The following FBXL20 variants were observed in gnomAD, a reference collection of about 807,000 sequenced individuals.
FBXL20 encodes the protein F-box and leucine rich repeat protein 20.
In FBXL20, 11 loss-of-function variants were observed where a neutral mutation model predicts 64.0. That is an observed-to-expected ratio of 0.17 (90% CI 0.11 to 0.28). The LOEUF (loss-of-function observed/expected upper bound fraction) is 0.28. Among genes scored for constraint, FBXL20 ranks in the 10% least tolerant of loss-of-function variants. The pLI is 1.00. For missense variants in FBXL20, 303 were observed against 526.2 expected (o/e 0.58, Z 4.15); for synonymous variants, 184 against 189.0 (o/e 0.97, Z 0.22).
At chr17:39,330,040 C>T (rs927373417) in intron 2 of FBXL20, among the ~76,000 whole-genome samples, 1 of 152,068 alleles carries the variant, frequency 6.6e-6, no homozygotes, top group Non-Finnish European at 1.5e-5. Context: ...TACCTGTAAT[C>T]CCAGCACTTT....
intron 1 of FBXL20, among the ~76,000 whole-genome samples, chr17:39,396,276 G>C (rs2048182088): frequency 6.6e-6 from 1 of 151,992 alleles, no homozygotes; most frequent in African/African-American, 2.4e-5. Context: ...TTACAGAAGA[G>C]GGAAATCACC....
At chr17:39,283,578 A>G (rs2046965773) in intron 7 of FBXL20, among the ~76,000 whole-genome samples, 2 of 152,082 alleles carry the variant, frequency 1.3e-5, no homozygotes, top group South Asian at 4.1e-4. Flanking sequence ...ACCCAGCTGC[A>G]TTTTGGATTT....
In FBXL20 at chr17:39,258,347, G is replaced by A. The variant is rs1375834226; in HGVS notation, c.*3113C>T. The A allele has an allele frequency of 2.6e-5, 4 of 152,190 alleles. No individual in the cohort carries two copies. The highest frequency in any genetic ancestry group is 5.9e-5 in the Non-Finnish European group (4 of 68,044). The allele number at this position is 152,190 out of a possible 1,614,324, so 9.4% of individuals were successfully genotyped here. A position where few individuals can be genotyped will look rare whatever the true frequency, so the allele number is the denominator to read the frequency against. ...CAAAGTCCTAGCATATTCATCAGCT[G>A]GTGTAGGCTGCAAATCAGCATAAAA... is the stretch of plus-strand genomic sequence containing the variant. On this transcript the variant is annotated 3_prime_UTR_variant, in exon 15 of 15. Transcript: ENST00000264658.
intron 1 of FBXL20, among the ~76,000 whole-genome samples, chr17:39,362,162 G>T (rs148394198): frequency 6.6e-6 from 1 of 151,006 alleles, no homozygotes; most frequent in Non-Finnish European, 1.5e-5. Flanking sequence ...GAATGGTGGC[G>T]GGCGCCTGCA....
At chr17:39,358,120 G>A (rs6503503) in intron 1 of FBXL20, among the ~76,000 whole-genome samples, 48,207 of 151,946 alleles carry the variant, frequency 0.32, 8,549 homozygotes, top group African/African-American at 0.48. Context: ...TATTACCAGC[G>A]TCCAAAGGCC....
chr17:39,337,124 T>C (rs2047530590), intron 2 of FBXL20, among the ~76,000 whole-genome samples: 1 of 152,104 alleles, frequency 6.6e-6, no homozygotes. Flanking sequence ...TGCCTGGGAT[T>C]GCAGGCGCGC....
At position 39,302,893 on chromosome 17, in the gene FBXL20, G is replaced by C. The variant is rs578042190; in HGVS notation, c.159+692C>G. 4.6e-5 allele frequency among the ~76,000 whole-genome samples: 7 copies of C among 151,838 alleles called. No homozygotes were observed. In the East Asian group the frequency reaches 1.4e-3, roughly 30 times the overall value. On this transcript the variant is annotated intron_variant, in intron 3 of 14. Transcript: ENST00000264658. ...ATATAGTGATTTGGGACTTAGAAAA[G>C]ATACTATCATTGCTCTGAAACTATT... is the stretch of plus-strand genomic sequence containing the variant.
intron 12 of FBXL20, among the ~76,000 whole-genome samples, chr17:39,265,765 C>T (rs997699304): frequency 1.3e-5 from 2 of 151,438 alleles, no homozygotes; most frequent in Non-Finnish European, 2.9e-5. Context: ...TCAAGCAATC[C>T]TCCACCTCAA....
At chr17:39,373,408 G>A (rs2047937009) in intron 1 of FBXL20, among the ~76,000 whole-genome samples, 1 of 152,154 alleles carries the variant, frequency 6.6e-6, no homozygotes, top group Non-Finnish European at 1.5e-5. Context: ...ATTTGGTATA[G>A]GACTGCTTAG....
intron 2 of FBXL20, among the ~76,000 whole-genome samples, chr17:39,313,033 C>T (rs2047250625): frequency 6.6e-6 from 1 of 151,068 alleles, no homozygotes; most frequent in African/African-American, 2.4e-5. Flanking sequence ...ATTCTCCTGC[C>T]TCAGCCTCCT....
intron 2 of FBXL20, among the ~76,000 whole-genome samples, chr17:39,321,145 C>T (rs1196783351): frequency 7.8e-6 from 1 of 128,980 alleles, no homozygotes; most frequent in Non-Finnish European, 1.5e-5. Context: ...AGTCCACAGT[C>T]GACATGCTGT....
chr17:39,302,566 G>A (rs1258962500), intron 3 of FBXL20, among the ~76,000 whole-genome samples: 2 of 152,082 alleles, frequency 1.3e-5, no homozygotes, highest in South Asian at 2.1e-4. Context: ...GTAGAGATGG[G>A]GTTTCACTGT....
intron 14 of FBXL20, among the ~76,000 whole-genome samples, chr17:39,262,238 C>G (rs2046753148): frequency 6.6e-6 from 1 of 152,194 alleles, no homozygotes; most frequent in South Asian, 2.1e-4. Context: ...AAGTTTGGTA[C>G]TCTTTTATTT....
chr17:39,275,240 A>C, intron 9 of FBXL20, 140 bp from the exon 10 acceptor site: 1 of 869,498 alleles, frequency 1.2e-6, no homozygotes, highest in Non-Finnish European at 1.7e-6. Context: ...AGCAGACCTA[A>C]AAGAAAATGA....
intron 1 of FBXL20, among the ~76,000 whole-genome samples, chr17:39,374,528 G>A (rs944895153): frequency 2.2e-4 from 33 of 151,330 alleles, no homozygotes; most frequent in African/African-American, 5.6e-4. Context: ...GCAATAGAGC[G>A]AGACTCCATC....
chr17:39,334,177 C>T (rs1358534213), intron 2 of FBXL20, among the ~76,000 whole-genome samples: 1 of 152,068 alleles, frequency 6.6e-6, no homozygotes, highest in Admixed American at 6.6e-5. Context: ...TACCCCCAAC[C>T]CCGTGCTCTC....
intron 2 of FBXL20, among the ~76,000 whole-genome samples, chr17:39,325,052 AC>A (rs1190429859): frequency 6.6e-6 from 1 of 152,168 alleles, no homozygotes; most frequent in African/African-American, 2.4e-5. Context: ...TACAAAAAAT[AC>A]AAAAATTAGC....
At chr17:39,314,997 A>G (rs917377288) in intron 2 of FBXL20, among the ~76,000 whole-genome samples, 6 of 151,948 alleles carry the variant, frequency 3.9e-5, no homozygotes, top group African/African-American at 1.5e-4. Flanking sequence ...GGGTTTCACC[A>G]TGTTGGCCAG....
intron 2 of FBXL20, among the ~76,000 whole-genome samples, chr17:39,327,825 C>T (rs186986601): frequency 3.9e-4 from 59 of 152,152 alleles, no homozygotes; most frequent in Admixed American, 1.4e-3. Flanking sequence ...CTCAGCCTTC[C>T]GAGTAGCTGG....
Sources: gnomAD v4.1 joint callset for allele counts (sites outside exome capture counted in the v4.1 genomes callset) on GRCh38, gnomAD v4.1.1 for gene constraint, MANE v1.5 for transcripts, NCBI Gene and HGNC (gene_info 2026-07-23, HGNC 2026-07-21) for gene names.